Variants in ARHGAP42 observed in about 807,000 individuals in gnomAD.
The protein encoded by ARHGAP42 is Rho GTPase activating protein 42, also known as rho GTPase-activating protein 42.
In ARHGAP42, 63 loss-of-function variants were observed where a neutral mutation model predicts 125.0. That is an observed-to-expected ratio of 0.50 (90% CI 0.41 to 0.62). The LOEUF is 0.62. Ranked by LOEUF, ARHGAP42 falls within the 20% of genes least tolerant of loss-of-function variation. The probability of loss-of-function intolerance (pLI) is 0.00; values close to 1 mark genes in which losing one functional copy is unlikely to be tolerated. For missense variants in ARHGAP42, 766 were observed against 1,024.2 expected, an observed-to-expected ratio of 0.75 and a Z score of 3.44; for synonymous variants, 339 against 351.0, an observed-to-expected ratio of 0.97 and a Z score of 0.38.
chr11:100,904,246 T>C (rs1425352698), intron 4 of ARHGAP42, among the ~76,000 whole-genome samples: 2 of 147,494 alleles, frequency 1.4e-5, no homozygotes, highest in African/African-American at 4.9e-5. Flanking sequence ...TTTTCCTCTC[T>C]CTTTTTTTTT....
At chr11:100,935,500 G>GT (rs557035883) in intron 7 of ARHGAP42, among the ~76,000 whole-genome samples, 287 of 151,928 alleles carry the variant, frequency 1.9e-3, no homozygotes, top group Middle Eastern at 0.014. Context: ...AATTTATTTT[G>GT]TTTTTTTCCC....
chr11:100,923,892 A>G (rs1484940690), intron 6 of ARHGAP42, among the ~76,000 whole-genome samples: 2 of 152,104 alleles, frequency 1.3e-5, no homozygotes, highest in Admixed American at 1.3e-4. Context: ...TGTACTTAAT[A>G]TCCATTTGAA....
In ARHGAP42 at chr11:100,687,573, C is replaced by T. The variant is rs1861105266; in HGVS notation, c.-106C>T. 2.1e-6 allele frequency: 2 copies of T among 940,198 alleles called. No individual in the cohort carries two copies. The highest frequency in any genetic ancestry group is 2.7e-6 in the Non-Finnish European group (2 of 744,840). The allele number at this position is 940,198 out of a possible 1,614,324, so 58.2% of individuals were successfully genotyped here. A position where few individuals can be genotyped will look rare whatever the true frequency, so the allele number is the denominator to read the frequency against. On this transcript the variant is annotated 5_prime_UTR_variant, in exon 1 of 24. Transcript: ENST00000298815. The stretch of plus-strand genomic sequence containing the variant: ...AATCAGTCCCCTCGCGTCCCGGCGC[C>T]TTCCCCGCGATCGCGCGACCCCAGC...
At chr11:100,690,745 C>T (rs570397014) in intron 1 of ARHGAP42, among the ~76,000 whole-genome samples, 18 of 152,080 alleles carry the variant, frequency 1.2e-4, no homozygotes, top group Admixed American at 4.6e-4. Context: ...TACAGGTGCC[C>T]GCCACCACAC....
chr11:100,881,338 C>T (rs968244929), intron 4 of ARHGAP42, among the ~76,000 whole-genome samples: 1 of 152,156 alleles, frequency 6.6e-6, no homozygotes, highest in African/African-American at 2.4e-5. Context: ...ATAGGACATC[C>T]TTTCCCTGCT....
At chr11:100,779,551 C>CATATAT (rs1554996534) in intron 2 of ARHGAP42, among the ~76,000 whole-genome samples, 40 of 126,910 alleles carry the variant, frequency 3.2e-4, no homozygotes, top group African/African-American at 1.2e-3. Context: ...TATATATATA[C>CATATAT]ATATACATAC....
intron 1 of ARHGAP42, among the ~76,000 whole-genome samples, chr11:100,703,167 T>C (rs1280194706): frequency 6.6e-6 from 1 of 152,210 alleles, no homozygotes; most frequent in Non-Finnish European, 1.5e-5. Flanking sequence ...CGCTGGCTTC[T>C]CTGGGCTAAC....
intron 3 of ARHGAP42, among the ~76,000 whole-genome samples, chr11:100,842,926 A>G (rs1355503149): frequency 6.6e-6 from 1 of 152,100 alleles, no homozygotes; most frequent in Non-Finnish European, 1.5e-5. Context: ...GAAACAAGAA[A>G]AAAACCAAAC....
At chr11:100,937,761 G>A (rs1867772612) in intron 8 of ARHGAP42, among the ~76,000 whole-genome samples, 1 of 152,160 alleles carries the variant, frequency 6.6e-6, no homozygotes, top group Non-Finnish European at 1.5e-5. Flanking sequence ...ATTTAGATTA[G>A]CTTGCAATAT....
At position 100,988,113 on chromosome 11, in the gene ARHGAP42, C is replaced by T. The variant is rs945844700; in HGVS notation, c.2536+521C>T. On this transcript the variant is annotated intron_variant, in intron 23 of 23. Coordinates refer to ENST00000298815, the MANE Select transcript of ARHGAP42 (RefSeq NM_152432.4). ...ACTGCACTCCAGCCTGGCAACACAG[C>T]AAGACTCTGTCTATAAATAAATAAA... is the stretch of plus-strand genomic sequence containing the variant. Among the ~76,000 whole-genome samples, 4 of 152,232 alleles carry T rather than the reference C, an allele frequency of 2.6e-5. No individual in the cohort carries two copies. The East Asian group carries it at 7.7e-4, about 29-fold the overall frequency.
At chr11:100,775,924 C>T (rs1863108167) in intron 2 of ARHGAP42, among the ~76,000 whole-genome samples, 1 of 152,058 alleles carries the variant, frequency 6.6e-6, no homozygotes, top group African/African-American at 2.4e-5. Flanking sequence ...CTTTGGGAGG[C>T]TGAGGCGGGC....
chr11:100,780,796 G>T (rs1251295448), intron 2 of ARHGAP42, among the ~76,000 whole-genome samples: 2 of 152,088 alleles, frequency 1.3e-5, no homozygotes, highest in African/African-American at 4.8e-5. Context: ...ATTTTTTTTG[G>T]AGGACACCAA....
chr11:100,747,450 C>G (rs767859140), intron 1 of ARHGAP42, among the ~76,000 whole-genome samples: 38 of 152,136 alleles, frequency 2.5e-4, no homozygotes, highest in Non-Finnish European at 4.4e-4. Context: ...TTTTTATAGA[C>G]GCTTTTTAAC....
In ARHGAP42 at chr11:100,923,679, C is replaced by T. The variant is rs556338496; in HGVS notation, c.597+2075C>T. On this transcript the variant is annotated intron_variant, in intron 6 of 23. Transcript: ENST00000298815. ...TGTGTTTTCTTCCTTTTACCTTATC[C>T]GAAGCTATGATGTCCTGTTAAGTCT... is the stretch of plus-strand genomic sequence containing the variant. 4.6e-5 allele frequency among the ~76,000 whole-genome samples: 7 copies of T among 152,178 alleles called. No individual in the cohort carries two copies. In the South Asian group the frequency reaches 6.2e-4, roughly 14 times the overall value.
At chr11:100,835,027 A>T (rs1417680797) in intron 3 of ARHGAP42, among the ~76,000 whole-genome samples, 1 of 152,084 alleles carries the variant, frequency 6.6e-6, no homozygotes, top group Non-Finnish European at 1.5e-5. Flanking sequence ...TGAGTGAAAT[A>T]ATGTTTTACA....
intron 4 of ARHGAP42, among the ~76,000 whole-genome samples, chr11:100,867,845 C>G (rs1439808686): frequency 6.6e-6 from 1 of 152,134 alleles, no homozygotes; most frequent in African/African-American, 2.4e-5. Flanking sequence ...CTTTTCCTTT[C>G]AGTTGAATAC....
At chr11:100,731,118 T>C (rs966681056) in intron 1 of ARHGAP42, among the ~76,000 whole-genome samples, 2 of 152,172 alleles carry the variant, frequency 1.3e-5, no homozygotes, top group African/African-American at 4.8e-5. Context: ...TAAGGAATGA[T>C]GCTTTGGTGC....
intron 21 of ARHGAP42, among the ~76,000 whole-genome samples, chr11:100,977,331 A>G (rs537068017): frequency 1.4e-3 from 206 of 152,346 alleles, no homozygotes; most frequent in African/African-American, 4.8e-3. Context: ...ACTGCCACGC[A>G]TTGACTATAA....
chr11:100,993,615 A>G lies in ARHGAP42; in HGVS notation c.*4814A>G, dbSNP rs1858899030. On this transcript the variant is annotated 3_prime_UTR_variant, in exon 24 of 24. Transcript: ENST00000298815. ...TTTTAATTCAGAACCCTATTTATAT[A>G]CTGTTAAAATTTGAGGTACTGTAGT... The G allele has an allele frequency of 6.0e-6, 1 of 167,060 alleles. No individual in the cohort carries two copies. Among genetic ancestry groups the G allele is most frequent in the Non-Finnish European group, 1.5e-5 (1 of 68,120 alleles). 10.3% of individuals were successfully genotyped at this position (167,060 alleles called of 1,614,324 possible). A position where few individuals can be genotyped will look rare whatever the true frequency, so the allele number is the denominator to read the frequency against.
Sources: allele counts gnomAD v4.1 joint callset (sites outside exome capture counted in the v4.1 genomes callset), GRCh38; gene constraint gnomAD v4.1.1; transcripts MANE v1.5; gene names NCBI Gene and HGNC (gene_info 2026-07-23, HGNC 2026-07-21).